Variants in MDGA2 observed in about 807,000 individuals in gnomAD.
The protein encoded by MDGA2 is MAM domain containing glycosylphosphatidylinositol anchor 2.
Under a neutral mutation model 117.8 loss-of-function variants are expected in MDGA2, and 40 were observed. The observed-to-expected ratio is 0.34, with a 90% CI of 0.26 to 0.44. The LOEUF (loss-of-function observed/expected upper bound fraction) is 0.44. MDGA2 is among the 20% of genes least tolerant of loss of function. MDGA2 has a pLI of 1.00. For synonymous variants in MDGA2, 452 were observed against 439.0 expected (o/e 1.03, Z -0.37); for missense variants, 1,123 against 1,250.6 (o/e 0.90, Z 1.54).
chr14:46,897,977 G>T (rs1462892692), intron 10 of MDGA2, among the ~76,000 whole-genome samples: 8 of 151,890 alleles, frequency 5.3e-5, no homozygotes, highest in Admixed American at 2.6e-4. Flanking sequence ...ATTTGAGAAT[G>T]TTTTTAGATT....
chr14:46,864,354 A>C lies in MDGA2; in HGVS notation c.2752+9079T>G, dbSNP rs537945059. 2.0e-5 allele frequency among the ~76,000 whole-genome samples: 3 copies of C among 150,424 alleles called. No homozygotes were observed. In the South Asian group the frequency reaches 6.3e-4, roughly 32 times the overall value. On this transcript the variant is annotated intron_variant, in intron 14 of 16. Coordinates refer to ENST00000399232, the MANE Select transcript of MDGA2 (RefSeq NM_001113498.3). ...CTAGAAGTGATGCTTAGTCAATCTAATACTTCAAACATTCTAACTTAATTA... is the reference window on the plus strand; with the variant it reads ...CTAGAAGTGATGCTTAGTCAATCTACTACTTCAAACATTCTAACTTAATTA...
chr14:46,925,587 G>GCCC (rs1307171760), intron 9 of MDGA2, among the ~76,000 whole-genome samples: 1 of 133,888 alleles, frequency 7.5e-6, no homozygotes, highest in East Asian at 2.3e-4. Context: ...AGCCGAGATT[G>GCCC]CCCAACTACA....
intron 2 of MDGA2, among the ~76,000 whole-genome samples, chr14:47,241,597 G>T (rs561162663): frequency 6.6e-6 from 1 of 151,804 alleles, no homozygotes; most frequent in South Asian, 2.1e-4. Flanking sequence ...AGTTTAAGTC[G>T]CCAGTGAATT....
intron 1 of MDGA2, among the ~76,000 whole-genome samples, chr14:47,627,657 A>G (rs1165355460): frequency 6.6e-6 from 1 of 152,212 alleles, no homozygotes; most frequent in African/African-American, 2.4e-5. Flanking sequence ...AAATGGACCA[A>G]TCAGCAGGAT....
intron 8 of MDGA2, among the ~76,000 whole-genome samples, chr14:46,966,656 T>C (rs537491503): frequency 4.3e-4 from 65 of 152,264 alleles, no homozygotes; most frequent in Non-Finnish European, 8.2e-4. Flanking sequence ...GTTTGTAGAA[T>C]ATTAAATGTC....
chr14:47,551,762 CA>C, intron 1 of MDGA2, among the ~76,000 whole-genome samples: 1 of 152,098 alleles, frequency 6.6e-6, no homozygotes, highest in East Asian at 1.9e-4. Flanking sequence ...CAAACAAGTT[CA>C]AAAGAATTTG....
chr14:46,970,448 G>T (rs953729664), intron 8 of MDGA2, among the ~76,000 whole-genome samples: 1 of 152,096 alleles, frequency 6.6e-6, no homozygotes, highest in Non-Finnish European at 1.5e-5. Flanking sequence ...ATACAATGGG[G>T]AAAAGATACT....
At chr14:47,354,412 T>A (rs1011090452) in intron 1 of MDGA2, among the ~76,000 whole-genome samples, 1 of 152,104 alleles carries the variant, frequency 6.6e-6, no homozygotes, top group Non-Finnish European at 1.5e-5. Context: ...AACAGTCAGA[T>A]CCAGAGATGC....
intron 1 of MDGA2, among the ~76,000 whole-genome samples, chr14:47,389,617 CACACACACA>C (rs1891846519): frequency 3.3e-5 from 5 of 151,470 alleles, no homozygotes; most frequent in East Asian, 2.0e-4. Flanking sequence ...CACACACACA[CACACACACA>C]CACACACACA....
chr14:47,397,330 G>C (rs1206503937), intron 1 of MDGA2, among the ~76,000 whole-genome samples: 1 of 152,120 alleles, frequency 6.6e-6, no homozygotes, highest in African/African-American at 2.4e-5. Flanking sequence ...GGGCCTGTCG[G>C]AGGGTGGGGA....
intron 8 of MDGA2, among the ~76,000 whole-genome samples, chr14:46,992,090 A>G (rs1013865433): frequency 6.6e-5 from 10 of 152,284 alleles, no homozygotes; most frequent in South Asian, 4.1e-4. Flanking sequence ...CAAAAGATCA[A>G]AACTAGCAGA....
chr14:47,470,524 A>T (rs1893703268), intron 1 of MDGA2, among the ~76,000 whole-genome samples: 1 of 152,124 alleles, frequency 6.6e-6, no homozygotes, highest in African/African-American at 2.4e-5. Flanking sequence ...ATTGATGGAC[A>T]TTTGGGTTGG....
At chr14:46,877,539 C>CA (rs1236533624) in intron 11 of MDGA2, 30 bp from the exon 12 acceptor site, 13 of 1,485,676 alleles carry the variant, frequency 8.8e-6, no homozygotes, top group African/African-American at 5.6e-5. Flanking sequence ...AACAAACAAA[C>CA]AAAAAAACAA....
chr14:47,479,888 C>A (rs186524085), intron 1 of MDGA2, among the ~76,000 whole-genome samples: 60 of 152,180 alleles, frequency 3.9e-4, no homozygotes, highest in African/African-American at 1.3e-3. Context: ...CTTCCAGTTC[C>A]TACAATACCT....
At chr14:47,425,993 A>G (rs1892681172) in intron 1 of MDGA2, among the ~76,000 whole-genome samples, 1 of 151,442 alleles carries the variant, frequency 6.6e-6, no homozygotes. Context: ...TATCAAACTT[A>G]GTTTCTTTGT....
intron 7 of MDGA2, 48 bp from the exon 8 acceptor site, chr14:47,035,352 A>G (rs1888808871): frequency 7.0e-7 from 1 of 1,426,842 alleles, no homozygotes; most frequent in Non-Finnish European, 9.6e-7. Context: ...TAAACTGGTA[A>G]AGCATATTCA....
At chr14:46,905,514 A>G (rs939262651) in intron 10 of MDGA2, among the ~76,000 whole-genome samples, 5 of 152,194 alleles carry the variant, frequency 3.3e-5, no homozygotes, top group African/African-American at 1.2e-4. Context: ...ACAGTAAACA[A>G]TGCACATATT....
At position 46,950,995 on chromosome 14, in the gene MDGA2, T is replaced by C. The variant is rs541191042; in HGVS notation, c.2089+6379A>G. On this transcript the variant is annotated intron_variant, in intron 9 of 16. Coordinates refer to ENST00000399232, the MANE Select transcript of MDGA2 (RefSeq NM_001113498.3). ...AATGCTATATTCCTTTAACATCTTG[T>C]TTTAGGTGATATTAAAGTCCTCAGT... Among the ~76,000 whole-genome samples the C allele has an allele frequency of 8.5e-5, 13 of 152,078 alleles. No homozygotes were observed. In the East Asian group the frequency reaches 2.5e-3, roughly 29 times the overall value.
intron 3 of MDGA2, among the ~76,000 whole-genome samples, chr14:47,171,823 C>T (rs781069552): frequency 1.3e-4 from 20 of 152,082 alleles, no homozygotes; most frequent in South Asian, 4.1e-4. Context: ...ACACCATGCG[C>T]GAGCTGAAGC....
Sources: allele counts gnomAD v4.1 joint callset (sites outside exome capture counted in the v4.1 genomes callset), GRCh38; gene constraint gnomAD v4.1.1; transcripts MANE v1.5; gene names NCBI Gene and HGNC (gene_info 2026-07-23, HGNC 2026-07-21).